The following AGAP1 variants were observed in gnomAD, a reference collection of about 807,000 sequenced individuals.
AGAP1 encodes ArfGAP with GTPase domain, ankyrin repeat and PH domain 1.
AGAP1 carries 29 observed loss-of-function variants against 105.3 expected under a neutral mutation model. That is an observed-to-expected ratio of 0.28 (90% CI 0.21 to 0.38). The LOEUF (loss-of-function observed/expected upper bound fraction) is 0.38, where lower values mean the gene tolerates loss of function less well. Among genes scored for constraint, AGAP1 ranks in the 10% least tolerant of loss-of-function variants. The pLI is 1.00. For missense variants in AGAP1, 998 were observed against 1,165.1 expected (o/e 0.86, Z 2.09); for synonymous variants, 509 against 485.9 (o/e 1.05, Z -0.63).
intron 1 of AGAP1, among the ~76,000 whole-genome samples, chr2:235,516,076 G>GCTGCTGCTGCTGCTT (rs1553556334): frequency 8.2e-4 from 115 of 140,438 alleles, no homozygotes; most frequent in African/African-American, 2.8e-3. Flanking sequence ...TGCTGCTGCT[G>GCTGCTGCTGCTGCTT]CTGCTGCTGC....
Position 235,882,476 on chromosome 2 carries a change from G to A in AGAP1, c.1051-869G>A, listed in dbSNP as rs1226559611. 6.4e-6 allele frequency: 10 copies of A among 1,555,778 alleles called. No homozygotes were observed. Among genetic ancestry groups the A allele is most frequent in the African/African-American group, 2.7e-5 (2 of 73,476 alleles). On this transcript the variant is annotated intron_variant, in intron 9 of 17. Coordinates refer to ENST00000304032, the MANE Select transcript of AGAP1 (RefSeq NM_001037131.3). This position sits in a 1 kb window ranked among gnomAD's most constrained non-coding sequence, Gnocchi z 4.6. ...TATTGAAGCTGGCGATTCCCCCCACGTCTGGTTTGTCTGCCATTTTCTTAA... is the reference window on the plus strand; with the variant it reads ...TATTGAAGCTGGCGATTCCCCCCACATCTGGTTTGTCTGCCATTTTCTTAA...
chr2:235,670,940 G>A, intron 1 of AGAP1: 1 of 1,318,834 alleles, frequency 7.6e-7, no homozygotes, highest in Non-Finnish European at 9.6e-7. Flanking sequence ...GGGCCCGGGC[G>A]GCGGGCCCTC....
intron 1 of AGAP1, among the ~76,000 whole-genome samples, chr2:235,593,935 C>T (rs1008005343): frequency 1.3e-5 from 2 of 152,078 alleles, no homozygotes; most frequent in Admixed American, 6.6e-5. Flanking sequence ...TGTCACTGAA[C>T]TCCAGCCTGG....
intron 9 of AGAP1, among the ~76,000 whole-genome samples, chr2:235,844,791 G>A (rs541639337): frequency 1.2e-4 from 19 of 152,252 alleles, no homozygotes; most frequent in Admixed American, 2.0e-4. Flanking sequence ...AAGACATAGC[G>A]TTGGTGCTGT....
rs1941638551 is a variant in AGAP1 at position 235,503,162 on chromosome 2, G to A, written c.163+8313G>A. On this transcript the variant is annotated intron_variant, in intron 1 of 17. Transcript: ENST00000304032. ...CCCTTCAGCAGGATTGGTATTGTCG[G>A]AAGTGCTGGCTAGCTTATGTAATGA... is the stretch of plus-strand genomic sequence containing the variant. 2.6e-5 allele frequency among the ~76,000 whole-genome samples: 4 copies of A among 152,330 alleles called. No individual in the cohort carries two copies. In the South Asian group the frequency reaches 8.3e-4, roughly 32 times the overall value.
intron 1 of AGAP1, among the ~76,000 whole-genome samples, chr2:235,681,868 T>TG (rs1491536843): frequency 2.2e-5 from 2 of 91,894 alleles, no homozygotes; most frequent in Non-Finnish European, 2.2e-5. Context: ...TTTTTTTTTT[T>TG]GATACAGAGT....
Position 235,621,531 on chromosome 2 carries a change from C to T in AGAP1, c.164-87648C>T, listed in dbSNP as rs927337763. Among the ~76,000 whole-genome samples, 7 of 152,166 alleles carry T rather than the reference C, an allele frequency of 4.6e-5. No individual in the cohort carries two copies. Among genetic ancestry groups the T allele is most frequent in the African/African-American group, 1.7e-4 (7 of 41,446 alleles). ...CTGTCATGTGAATGTGTCAAGGGCC[C>T]TGTCACGTCTCTGAGCCGGCTTCTC... On this transcript the variant is annotated intron_variant, in intron 1 of 17. Coordinates refer to ENST00000304032, the MANE Select transcript of AGAP1 (RefSeq NM_001037131.3). This position sits in a 1 kb window ranked among gnomAD's most constrained non-coding sequence, Gnocchi z 4.1.
intron 9 of AGAP1, among the ~76,000 whole-genome samples, chr2:235,813,945 C>A (rs1958303965): frequency 6.6e-6 from 1 of 152,192 alleles, no homozygotes. Flanking sequence ...GCCGGACTCT[C>A]CTCCTACCGC....
At chr2:235,941,529 G>C (rs1313971551) in intron 12 of AGAP1, among the ~76,000 whole-genome samples, 1 of 152,154 alleles carries the variant, frequency 6.6e-6, no homozygotes, top group African/African-American at 2.4e-5. Flanking sequence ...GTAAAATGAG[G>C]GTGAGCAGGT....
In AGAP1 at chr2:235,784,717, A is replaced by T. The variant is rs529859008; in HGVS notation, c.674-13042A>T. Among the ~76,000 whole-genome samples, 3 of 152,070 alleles carry T rather than the reference A, an allele frequency of 2.0e-5. No homozygotes were observed. The East Asian group carries it at 5.8e-4, about 29-fold the overall frequency. ...TATATGTTAATCATATAGAATTTAG[A>T]TCGTTTTAAAAATGTTTATGTGGAC... On this transcript the variant is annotated intron_variant, in intron 6 of 17. Transcript: ENST00000304032.
chr2:236,079,639 CA>C (rs1471664384), intron 16 of AGAP1, among the ~76,000 whole-genome samples: 1 of 151,914 alleles, frequency 6.6e-6, no homozygotes, highest in African/African-American at 2.4e-5. Flanking sequence ...AAATCTGCAG[CA>C]GGGGTAGGCA....
rs1290143243 is a variant in AGAP1 at position 235,970,915 on chromosome 2, C to G, written c.1645+2292C>G. On this transcript the variant is annotated intron_variant, in intron 13 of 17. Transcript: ENST00000304032. This position sits in a 1 kb window ranked among gnomAD's most constrained non-coding sequence, Gnocchi z 5.4. ...GGCTGAGACACGGGCTCTGTCCAAG[C>G]AGCAAATGGGGGCCCCTTTCCTTAA... Among the ~76,000 whole-genome samples the G allele has an allele frequency of 6.6e-6, 1 of 152,186 alleles. No homozygotes were observed. The highest frequency in any genetic ancestry group is 2.4e-5 in the African/African-American group (1 of 41,444).
intron 3 of AGAP1, chr2:235,718,347 T>C: frequency 2.0e-6 from 2 of 984,788 alleles, no homozygotes; most frequent in Non-Finnish European, 2.4e-6. Context: ...TTCTGGTTCC[T>C]TCTTTTTCTT....
At position 235,919,487 on chromosome 2, in the gene AGAP1, G is replaced by A. The variant is rs1015863268; in HGVS notation, c.1324+10581G>A. Among the ~76,000 whole-genome samples, 4 of 152,098 alleles carry A rather than the reference G, an allele frequency of 2.6e-5. No homozygotes were observed. Among genetic ancestry groups the A allele is most frequent in the African/African-American group, 4.8e-5 (2 of 41,402 alleles). ...CTCATGTTATCAGACTTGTGAGCCC[G>A]GGGTACTCCTTGGTGCTTTGTCTTC... On this transcript the variant is annotated intron_variant, in intron 11 of 17. Transcript: ENST00000304032. The surrounding 1 kb of genome is among the most constrained non-coding windows in gnomAD (Gnocchi z 4.1).
rs1357964115 is a variant in AGAP1, at chr2:235,494,618, G to T, written c.-69G>T. 1.1e-6 allele frequency: 1 copy of T among 886,378 alleles called. No homozygotes were observed. Among genetic ancestry groups the T allele is most frequent in the East Asian group, 1.3e-4 (1 of 7,794 alleles). 54.9% of individuals were successfully genotyped at this position (886,378 alleles called of 1,614,324 possible). On this transcript the variant is annotated 5_prime_UTR_variant, in exon 1 of 18. Transcript: ENST00000304032. ...GGGCTGCGGCGCCCCGGGCTCGGCG[G>T]CCCGCGGGCCCCGGGGCGCGGGGCG...
intron 9 of AGAP1, among the ~76,000 whole-genome samples, chr2:235,859,090 G>C (rs1036546693): frequency 1.5e-4 from 23 of 152,138 alleles, no homozygotes; most frequent in African/African-American, 5.1e-4. Context: ...ATGTTGTCTC[G>C]ATCTTTATTA....
chr2:236,106,199 A>G (rs921740099), intron 16 of AGAP1, among the ~76,000 whole-genome samples: 4 of 152,390 alleles, frequency 2.6e-5, no homozygotes, highest in African/African-American at 9.6e-5. Context: ...TACCGGAATC[A>G]GTGTGGCTGG....
intron 1 of AGAP1, among the ~76,000 whole-genome samples, chr2:235,562,895 T>G (rs867979597): frequency 2.6e-5 from 4 of 151,948 alleles, no homozygotes; most frequent in South Asian, 2.1e-4. Flanking sequence ...CCATCTCTTT[T>G]AAAAAATACA....
rs2059077096 is a variant in AGAP1 at position 236,092,128 on chromosome 2, G to T, written c.2115-28064G>T. Among the ~76,000 whole-genome samples, 1 of 152,202 alleles carries T rather than the reference G, an allele frequency of 6.6e-6. No individual in the cohort carries two copies. The highest frequency in any genetic ancestry group is 1.5e-5 in the Non-Finnish European group (1 of 68,030). On this transcript the variant is annotated intron_variant, in intron 16 of 17. Transcript: ENST00000304032. This position sits in a 1 kb window ranked among gnomAD's most constrained non-coding sequence, Gnocchi z 4.7. ...GTCCAGGGTTAGGGATGGAGAGGGT[G>T]GGTGAGGTTTTAGAAAGGCAACAAG...
Sources: gnomAD v4.1 joint callset for allele counts (sites outside exome capture counted in the v4.1 genomes callset) on GRCh38, gnomAD v4.1.1 for gene constraint, Gnocchi (gnomAD v3.1) non-coding constraint, MANE v1.5 for transcripts, NCBI Gene and HGNC (gene_info 2026-07-23, HGNC 2026-07-21) for gene names.